Variants in URB1 observed in about 807,000 individuals in gnomAD.
URB1 encodes nucleolar pre-ribosomal-associated protein 1.
URB1 carries 197 observed loss-of-function variants against 242.3 expected under a neutral mutation model. That is an observed-to-expected ratio of 0.81 (90% CI 0.72 to 0.91). URB1 has a LOEUF of 0.91. Among genes scored for constraint, URB1 ranks in the 40% least tolerant of loss-of-function variants. The probability of loss-of-function intolerance (pLI) is 0.00; values close to 1 mark genes in which losing one functional copy is unlikely to be tolerated. For missense variants in URB1, 2,721 were observed against 2,860.5 expected, an observed-to-expected ratio of 0.95 and a Z score of 1.11; for synonymous variants, 1,153 against 1,201.8, an observed-to-expected ratio of 0.96 and a Z score of 0.84.
chr21:32,360,847 C>T (rs151226326), intron 13 of URB1, among the ~76,000 whole-genome samples, 160 bp downstream of exon 13: 2 of 152,270 alleles, frequency 1.3e-5, no homozygotes, highest in East Asian at 3.9e-4. Flanking sequence ...TTAAGGAAGA[C>T]CAGCTATTTA....
chr21:32,317,724 C>T lies in URB1; in HGVS notation c.5986G>A (p.Glu1996Lys). 6.4e-7 allele frequency: 1 copy of T among 1,551,806 alleles called. No homozygotes were observed. Among genetic ancestry groups the T allele is most frequent in the Non-Finnish European group, 8.7e-7 (1 of 1,147,028 alleles). The change falls in exon 37 of 39, where the codon GAA becomes AAA. Residue 1996 changes from glutamate to lysine, a missense_variant. Transcript: ENST00000382751. ...TTCTCAATGGCTGCTCTCAGGTCTT[C>T]CTGGAGCTTGAGGTCTCTTTCAATG... ...SLIERDLKLQ[E>K]DLRAAIEKAQ...
chr21:32,380,354 A>G (rs2033509689), intron 4 of URB1, among the ~76,000 whole-genome samples: 1 of 152,152 alleles, frequency 6.6e-6, no homozygotes, highest in Non-Finnish European at 1.5e-5. Context: ...ACCTTATTAC[A>G]CCAATGTGAG....
rs1465266984 is a variant in URB1 at position 32,336,968 on chromosome 21, T to C, written c.4685+126A>G. 13 of 934,242 alleles carry C rather than the reference T, an allele frequency of 1.4e-5. No homozygotes were observed. The South Asian group carries it at 1.9e-4, about 13-fold the overall frequency. 57.9% of individuals were successfully genotyped at this position (934,242 alleles called of 1,614,324 possible). ...CAGAAGCCAGTGTGAGTCAGGGGAG[T>C]GCTGCCTGCCTCACTCTTTCCCTGA... On this transcript the variant is annotated intron_variant, in intron 28 of 38. Coordinates refer to ENST00000382751, the MANE Select transcript of URB1 (RefSeq NM_014825.3).
rs1268329454 is a variant in URB1 at position 32,363,319 on chromosome 21, G to C, written c.1346C>G (p.Thr449Ser). ...GGATAAGGCTGTGTGCCTCACTGAG[G>C]TGCTGTCCAACTGGGAAGAAAAAGA... ...MFTQALNLDS[T>S]SVRHTALSLI... Residue 449 changes from threonine (T) to serine (S), a missense_variant, in exon 11 of 39, where the codon ACC becomes AGC. Transcript: ENST00000382751. 3 of 1,551,258 alleles carry C rather than the reference G, an allele frequency of 1.9e-6. No individual in the cohort carries two copies.
chr21:32,350,141 A>G (rs1287222660), intron 20 of URB1, among the ~76,000 whole-genome samples: 12 of 109,374 alleles, frequency 1.1e-4, no homozygotes, highest in African/African-American at 2.1e-4. Context: ...AAAAAAAAAG[A>G]GGGAGGGAGG....
chr21:32,391,736 G>T (rs1314473751), intron 1 of URB1, among the ~76,000 whole-genome samples: 1 of 152,080 alleles, frequency 6.6e-6, no homozygotes, highest in Non-Finnish European at 1.5e-5. Context: ...AAACAGGCCA[G>T]GTGTGGTGGC....
chr21:32,375,277 A>T (rs572807489), intron 6 of URB1, 121 bp downstream of exon 6: 1 of 565,712 alleles, frequency 1.8e-6, no homozygotes, highest in East Asian at 3.4e-5. Context: ...TTTCCACTCA[A>T]CCAATACAAC....
In URB1 at chr21:32,313,608, T is replaced by A. The variant is rs1039833804; in HGVS notation, c.*1310A>T. 6.6e-6 allele frequency: 1 copy of A among 152,204 alleles called. No individual in the cohort carries two copies. Among genetic ancestry groups the A allele is most frequent in the Admixed American group, 6.5e-5 (1 of 15,278 alleles). The allele number at this position is 152,204 out of a possible 1,614,324, so 9.4% of individuals were successfully genotyped here. A position where few individuals can be genotyped will look rare whatever the true frequency, so the allele number is the denominator to read the frequency against. ...CTCATGCTTTAGTTAAAACTTTAAG[T>A]CACCTAAAACAGAAACAATTCTAAA... On this transcript the variant is annotated 3_prime_UTR_variant, in exon 39 of 39. Coordinates refer to ENST00000382751, the MANE Select transcript of URB1 (RefSeq NM_014825.3).
chr21:32,322,194 T>C (rs2032775406), intron 33 of URB1, among the ~76,000 whole-genome samples: 1 of 152,318 alleles, frequency 6.6e-6, no homozygotes, highest in Middle Eastern at 3.4e-3. Context: ...AATATGAATA[T>C]CTAAAAACAG....
intron 8 of URB1, among the ~76,000 whole-genome samples, chr21:32,372,240 GTCTTTAGGTAA>G (rs2033414207): frequency 6.6e-6 from 1 of 152,220 alleles, no homozygotes; most frequent in Non-Finnish European, 1.5e-5. Flanking sequence ...GACGAACACT[GTCTTTAGGTAA>G]ACATCCGCAG....
chr21:32,361,137 AG>A lies in URB1; in HGVS notation c.1640-15del. On this transcript the variant is annotated splice_polypyrimidine_tract_variant and intron_variant, in intron 12 of 38. Coordinates refer to ENST00000382751, the MANE Select transcript of URB1 (RefSeq NM_014825.3). ...TTTCTGCATCATCTGCACAAAAAAA[AG>A]AAAAAGAAAGAAAAAGAGAAAAAAG... The A allele has an allele frequency of 8.2e-7, 1 of 1,224,982 alleles. No individual in the cohort carries two copies. Among genetic ancestry groups the A allele is most frequent in the Non-Finnish European group, 1.1e-6 (1 of 891,252 alleles). The allele number at this position is 1,224,982 out of a possible 1,614,324, so 75.9% of individuals were successfully genotyped here.
At chr21:32,391,691 G>A (rs1175513812) in intron 1 of URB1, among the ~76,000 whole-genome samples, 2 of 152,012 alleles carry the variant, frequency 1.3e-5, no homozygotes, top group South Asian at 2.1e-4. Context: ...TCCTAGCTGT[G>A]ACTAGCAAGT....
intron 4 of URB1, among the ~76,000 whole-genome samples, chr21:32,381,227 T>C (rs1184258593): frequency 1.3e-5 from 2 of 152,176 alleles, no homozygotes; most frequent in South Asian, 2.1e-4. Context: ...AGGGTTATTA[T>C]TCCAGGAAGA....
chr21:32,366,842 TTCAA>T, intron 9 of URB1, 87 bp from the exon 10 acceptor site: 5 of 1,393,624 alleles, frequency 3.6e-6, no homozygotes, highest in Non-Finnish European at 4.9e-6. Flanking sequence ...GGTGAAGCCA[TTCAA>T]TCAAATAATT....
Position 32,338,919 on chromosome 21 carries a change from A to T in URB1, c.4317-19T>A. 2 of 1,518,230 alleles carry T rather than the reference A, an allele frequency of 1.3e-6. No homozygotes were observed. The highest frequency in any genetic ancestry group is 1.8e-6 in the Non-Finnish European group (2 of 1,126,336). 94.0% of individuals were successfully genotyped at this position (1,518,230 alleles called of 1,614,324 possible). ...CCGAAATCTAGGCGGCGAGAGTCAA[A>T]GGGAAAAGAGCTTTGCTAAAAGGAA... On this transcript the variant is annotated intron_variant, in intron 25 of 38. Coordinates refer to ENST00000382751, the MANE Select transcript of URB1 (RefSeq NM_014825.3).
chr21:32,361,203 G>GA (rs1555839873), intron 12 of URB1, 80 bp from the exon 13 acceptor site: 1 of 936,396 alleles, frequency 1.1e-6, no homozygotes, highest in Non-Finnish European at 1.5e-6. Flanking sequence ...AAGAAAGAAA[G>GA]AAAATAGCTT....
intron 35 of URB1, among the ~76,000 whole-genome samples, chr21:32,320,297 T>C (rs1279215850): frequency 6.6e-6 from 1 of 152,232 alleles, no homozygotes; most frequent in Non-Finnish European, 1.5e-5. Context: ...TGGTGTCTGC[T>C]GTCCCATGGC....
chr21:32,383,303 CAT>C, intron 4 of URB1, 117 bp downstream of exon 4: 1 of 1,294,800 alleles, frequency 7.7e-7, no homozygotes, highest in Non-Finnish European at 1.0e-6. Flanking sequence ...CACCTTTCTA[CAT>C]AGACACCTCT....
At chr21:32,336,563 A>G (rs2032962025) in intron 28 of URB1, among the ~76,000 whole-genome samples, 5 of 152,178 alleles carry the variant, frequency 3.3e-5, no homozygotes, top group Admixed American at 2.0e-4. Flanking sequence ...AAGGTGTCAC[A>G]CTCAGCCCTG....
Sources: gnomAD v4.1 joint callset for allele counts (sites outside exome capture counted in the v4.1 genomes callset) on GRCh38, gnomAD v4.1.1 for gene constraint, MANE v1.5 for transcripts, NCBI Gene and HGNC (gene_info 2026-07-23, HGNC 2026-07-21) for gene names.